The following KCNQ4 variants were observed in gnomAD, a reference collection of about 807,000 sequenced individuals.
KCNQ4 encodes potassium voltage-gated channel subfamily Q member 4.
Under a neutral mutation model 72.6 loss-of-function variants are expected in KCNQ4, and 31 were observed. That is an observed-to-expected ratio of 0.43 (90% CI 0.32 to 0.58). The LOEUF is 0.58. KCNQ4 is among the 20% of genes least tolerant of loss of function. The probability of loss-of-function intolerance (pLI) is 0.08; values close to 1 mark genes in which losing one functional copy is unlikely to be tolerated. For missense variants in KCNQ4, 869 were observed against 962.6 expected (o/e 0.90, Z 1.29); for synonymous variants, 405 against 403.7 (o/e 1.00, Z -0.04).
intron 1 of KCNQ4, among the ~76,000 whole-genome samples, chr1:40,798,961 G>T (rs823687): frequency 0.53 from 80,746 of 152,260 alleles, 22,086 homozygotes; most frequent in East Asian, 0.75. Context: ...TTGGGGTCTG[G>T]TCATCTAATG....
chr1:40,806,879 C>G (rs576980697), intron 1 of KCNQ4, among the ~76,000 whole-genome samples: 1 of 152,198 alleles, frequency 6.6e-6, no homozygotes, highest in African/African-American at 2.4e-5. Context: ...TCAGCCCAAC[C>G]TATGGGTGGG....
rs1648888211 is a variant in KCNQ4, at chr1:40,838,663, T to C, written c.*140T>C. On this transcript the variant is annotated 3_prime_UTR_variant, in exon 14 of 14. Coordinates refer to ENST00000347132, the MANE Select transcript of KCNQ4 (RefSeq NM_004700.4). The stretch of plus-strand genomic sequence containing the variant: ...AGACCACACGCAGTATTGAGCTGCC[T>C]GAGTGGGCGTGGTACCTGCTGTGGG... 2.5e-6 allele frequency: 2 copies of C among 800,012 alleles called. No homozygotes were observed. The highest frequency in any genetic ancestry group is 4.2e-6 in the Non-Finnish European group (2 of 478,150). 49.6% of individuals were successfully genotyped at this position (800,012 alleles called of 1,614,324 possible).
At chr1:40,805,781 G>C (rs909063244) in intron 1 of KCNQ4, among the ~76,000 whole-genome samples, 1 of 152,168 alleles carries the variant, frequency 6.6e-6, no homozygotes, top group Non-Finnish European at 1.5e-5. Context: ...TTTGGGCCTG[G>C]GCCCACAACT....
chr1:40,787,188 G>A (rs560806171), intron 1 of KCNQ4, among the ~76,000 whole-genome samples: 5 of 152,030 alleles, frequency 3.3e-5, no homozygotes, highest in African/African-American at 9.6e-5. Flanking sequence ...TAGGCAACAT[G>A]GTGAGACCCC....
At chr1:40,810,624 A>G (rs114015677) in intron 1 of KCNQ4, among the ~76,000 whole-genome samples, 3,876 of 152,148 alleles carry the variant, frequency 0.025, 90 homozygotes, top group Non-Finnish European at 0.038. Flanking sequence ...CCCTCCAGGG[A>G]CATGTTGGAC....
intron 10 of KCNQ4, among the ~76,000 whole-genome samples, chr1:40,832,022 A>G (rs1365959136): frequency 1.3e-5 from 2 of 152,228 alleles, no homozygotes; most frequent in Non-Finnish European, 2.9e-5. Flanking sequence ...CAAGTATGAG[A>G]CTGTGGACCA....
At chr1:40,789,947 G>A (rs751967345) in intron 1 of KCNQ4, among the ~76,000 whole-genome samples, 1 of 152,210 alleles carries the variant, frequency 6.6e-6, no homozygotes, top group Non-Finnish European at 1.5e-5. Flanking sequence ...ACCAATGTGG[G>A]TCTTTGGGGA....
chr1:40,836,620 G>C (rs1648812130), intron 12 of KCNQ4, among the ~76,000 whole-genome samples: 1 of 152,288 alleles, frequency 6.6e-6, no homozygotes, highest in Non-Finnish European at 1.5e-5. Flanking sequence ...AGTGTTTCCA[G>C]GTTGCAGAGA....
Position 40,784,390 on chromosome 1 carries a change from C to G in KCNQ4, c.297C>G (p.Phe99Leu), listed in dbSNP as rs946751290. ...TGGAGCGGCCCCGCGGCTGGGCCTTCGTCTACCACGTCTTCATGTGAGTTT... is the reference window on the plus strand; with the variant it reads ...TGGAGCGGCCCCGCGGCTGGGCCTTGGTCTACCACGTCTTCATGTGAGTTT... ...NVLERPRGWA[F>L]VYHVFIFLLV... The change falls in exon 1 of 14, where the codon TTC (phenylalanine) becomes TTG (leucine). Residue 99 changes from phenylalanine (F) to leucine (L), a missense_variant. Coordinates refer to ENST00000347132, the MANE Select transcript of KCNQ4 (RefSeq NM_004700.4). The surrounding 1 kb of genome is among the most constrained non-coding windows in gnomAD (Gnocchi z 4.1). 5.6e-6 allele frequency: 9 copies of G among 1,609,318 alleles called. No individual in the cohort carries two copies. Among genetic ancestry groups the G allele is most frequent in the Non-Finnish European group, 1.7e-6 (2 of 1,179,144 alleles).
At chr1:40,790,757 C>T (rs1647265357) in intron 1 of KCNQ4, among the ~76,000 whole-genome samples, 4 of 152,218 alleles carry the variant, frequency 2.6e-5, no homozygotes, top group Non-Finnish European at 1.5e-5. Context: ...CCAGAGAGAG[C>T]TAGACCATGC....
chr1:40,799,244 A>G (rs188260955), intron 1 of KCNQ4, among the ~76,000 whole-genome samples: 41 of 152,310 alleles, frequency 2.7e-4, no homozygotes, highest in Middle Eastern at 6.8e-3. Context: ...GGACTGATGG[A>G]GGTGCAGTGC....
intron 1 of KCNQ4, among the ~76,000 whole-genome samples, chr1:40,785,947 A>G (rs566900894): frequency 6.6e-6 from 1 of 152,114 alleles, no homozygotes; most frequent in Non-Finnish European, 1.5e-5. Flanking sequence ...AGAGAGTTGA[A>G]ATTGCTCAGG....
chr1:40,823,911 G>A (rs1013991141), intron 8 of KCNQ4, among the ~76,000 whole-genome samples, 186 bp from the exon 9 acceptor site: 1 of 152,212 alleles, frequency 6.6e-6, no homozygotes, highest in Non-Finnish European at 1.5e-5. Context: ...TGGGAACTGG[G>A]GGTAGAAAGG....
chr1:40,793,263 G>A (rs965564933), intron 1 of KCNQ4, among the ~76,000 whole-genome samples: 30 of 151,854 alleles, frequency 2.0e-4, no homozygotes, highest in Non-Finnish European at 4.4e-5. Context: ...GTGGCCTCGG[G>A]AGCCACCATG....
chr1:40,818,997 C>A, intron 4 of KCNQ4: 1 of 554,912 alleles, frequency 1.8e-6, no homozygotes, highest in Non-Finnish European at 3.3e-6. Flanking sequence ...TGAGGTGGGA[C>A]TTGAGGGTGG....
chr1:40,828,577 A>G (rs1233138692), intron 9 of KCNQ4, among the ~76,000 whole-genome samples: 1 of 152,188 alleles, frequency 6.6e-6, no homozygotes, highest in Non-Finnish European at 1.5e-5. Flanking sequence ...TCCATCTCAT[A>G]GGAGCTCTGT....
Position 40,784,505 on chromosome 1 carries a change from CCTCAGGGCCGACCCT to C in KCNQ4, c.314+100_314+114del. On this transcript the variant is annotated intron_variant, in intron 1 of 13. Transcript: ENST00000347132. The surrounding 1 kb of genome is among the most constrained non-coding windows in gnomAD (Gnocchi z 4.1). ...CCTGGCTCCGCCTTCTACCCCCCTG[CCTCAGGGCCGACCCT>C]CATCTCTCTCCCCCCAGGCCTAAGC... 1 of 1,180,262 alleles carries C rather than the reference CCTCAGGGCCGACCCT, an allele frequency of 8.5e-7. No homozygotes were observed. The highest frequency in any genetic ancestry group is 1.2e-5 in the South Asian group (1 of 81,410). The allele number at this position is 1,180,262 out of a possible 1,614,324, so 73.1% of individuals were successfully genotyped here.
chr1:40,805,364 A>G (rs548733025), intron 1 of KCNQ4, among the ~76,000 whole-genome samples: 1 of 152,202 alleles, frequency 6.6e-6, no homozygotes, highest in Admixed American at 6.5e-5. Flanking sequence ...GTAAAAGCCA[A>G]GATCCTTACC....
At position 40,822,397 on chromosome 1, in the gene KCNQ4, C is replaced by T; in HGVS notation, c.1125C>T (p.Ser375=). The T allele has an allele frequency of 1.1e-6, 1 of 908,648 alleles. No individual in the cohort carries two copies. Among genetic ancestry groups the T allele is most frequent in the South Asian group, 1.3e-5 (1 of 78,086 alleles). The allele number at this position is 908,648 out of a possible 1,614,324, so 56.3% of individuals were successfully genotyped here. The change falls in exon 8 of 14, where the codon TCC becomes TCT. Residue 375 remains serine (S), a synonymous_variant. Coordinates refer to ENST00000347132, the MANE Select transcript of KCNQ4 (RefSeq NM_004700.4). ...TWYYYDSILP[S]FRELALLFEH... is the part of the protein sequence containing the mutation. ...ACTACTATGACAGTATCCTCCCATC[C>T]TTCAGGTAGGTCCTGCTGGGGGTGG...
Sources: gnomAD v4.1 joint callset for allele counts (sites outside exome capture counted in the v4.1 genomes callset) on GRCh38, gnomAD v4.1.1 for gene constraint, Gnocchi (gnomAD v3.1) non-coding constraint, MANE v1.5 for transcripts, NCBI Gene and HGNC (gene_info 2026-07-23, HGNC 2026-07-21) for gene names.